GIGYF2: variants seen among roughly 807,000 people sequenced by gnomAD.
The protein encoded by GIGYF2 is GRB10 interacting GYF protein 2.
A neutral mutation model predicts 208.1 loss-of-function variants in GIGYF2; 25 were observed. The ratio of observed to expected loss-of-function variants is 0.12; its 90% CI spans 0.09 to 0.17. GIGYF2 has a LOEUF of 0.17. Among genes scored for constraint, GIGYF2 ranks in the 10% least tolerant of loss-of-function variants. The pLI is 1.00. For missense variants in GIGYF2, 1,302 were observed against 1,579.4 expected (o/e 0.82, Z 2.98); for synonymous variants, 534 against 543.8 (o/e 0.98, Z 0.25).
intron 2 of GIGYF2, chr2:232,722,732 G>A (rs1357012631): frequency 6.6e-6 from 1 of 151,976 alleles, no homozygotes; most frequent in Non-Finnish European, 1.5e-5. Context: ...TAACATTAGG[G>A]GAAACTGACG....
intron 18 of GIGYF2, among the ~76,000 whole-genome samples, chr2:232,814,718 T>G (rs1324175156): frequency 6.6e-6 from 1 of 152,242 alleles, no homozygotes; most frequent in Non-Finnish European, 1.5e-5. Flanking sequence ...TTTGAAATGC[T>G]TCTGGTCCCA....
intron 21 of GIGYF2, among the ~76,000 whole-genome samples, chr2:232,824,358 T>C (rs930823096): frequency 3.9e-5 from 6 of 152,170 alleles, no homozygotes; most frequent in African/African-American, 9.7e-5. Context: ...GGAAAAGTTA[T>C]TGAAGAAAAT....
At chr2:232,783,119 A>G (rs1329077759) in intron 8 of GIGYF2, among the ~76,000 whole-genome samples, 2 of 152,230 alleles carry the variant, frequency 1.3e-5, no homozygotes, top group African/African-American at 4.8e-5. Context: ...GGCTTGATGA[A>G]AAATGTGGCT....
intron 2 of GIGYF2, among the ~76,000 whole-genome samples, chr2:232,714,766 G>A (rs1159578676): frequency 6.6e-6 from 1 of 151,480 alleles, no homozygotes; most frequent in African/African-American, 2.4e-5. Flanking sequence ...TCATGTAAAT[G>A]GAAATCATAT....
intron 9 of GIGYF2, among the ~76,000 whole-genome samples, chr2:232,789,571 C>CT (rs1374736803): frequency 1.3e-5 from 2 of 152,016 alleles, no homozygotes; most frequent in Non-Finnish European, 2.9e-5. Context: ...ACTAAGATTT[C>CT]TTTTTTGTGA....
At chr2:232,793,490 G>C (rs1700132201) in intron 12 of GIGYF2, among the ~76,000 whole-genome samples, 1 of 152,118 alleles carries the variant, frequency 6.6e-6, no homozygotes. Context: ...GAGCCTGAGA[G>C]GATTATGGTG....
intron 8 of GIGYF2, among the ~76,000 whole-genome samples, chr2:232,781,048 C>T (rs1280250212): frequency 2.0e-5 from 3 of 152,022 alleles, no homozygotes; most frequent in African/African-American, 7.3e-5. Flanking sequence ...ACCTCCACCT[C>T]CCGGGTTCAA....
At chr2:232,804,460 G>A (rs1700496826) in intron 14 of GIGYF2, among the ~76,000 whole-genome samples, 1 of 140,826 alleles carries the variant, frequency 7.1e-6, no homozygotes, top group African/African-American at 2.6e-5. Flanking sequence ...CTGTTTTTTT[G>A]GGTAGTTTCC....
intron 2 of GIGYF2, among the ~76,000 whole-genome samples, chr2:232,710,102 G>A (rs35621474): frequency 0.32 from 47,995 of 151,504 alleles, 7,967 homozygotes; most frequent in South Asian, 0.62. Context: ...TGGGACTACA[G>A]GCACCCGCCA....
At chr2:232,735,899 A>G (rs1360097385) in intron 3 of GIGYF2, 2 of 983,454 alleles carry the variant, frequency 2.0e-6, no homozygotes, top group African/African-American at 1.7e-5. Context: ...GGCATCAATA[A>G]TAATAATTAC....
chr2:232,839,975 A>G lies in GIGYF2; in HGVS notation c.2889+4A>G. The G allele has an allele frequency of 6.2e-7, 1 of 1,613,886 alleles. No individual in the cohort carries two copies. Among genetic ancestry groups the G allele is most frequent in the South Asian group, 1.1e-5 (1 of 91,068 alleles). On this transcript the variant is annotated splice_donor_region_variant and intron_variant, in intron 23 of 28. Transcript: ENST00000373563. ...AGAACGGCAGCTTCGAGAAGAGGTA[A>G]AATTTTAAAGTAAAAGGGATCTAGT...
rs543298516 is a variant in GIGYF2, at chr2:232,706,663, A to T, written c.-44+3174A>T. Reference sequence around the variant, plus strand: ...TGTGGTGGCACGTGCCTGTAGTCTCAGCTACTTGGGAGGCTGAGACAGAAC... The same window carrying T: ...TGTGGTGGCACGTGCCTGTAGTCTCTGCTACTTGGGAGGCTGAGACAGAAC... On this transcript the variant is annotated intron_variant, in intron 2 of 28. Coordinates refer to ENST00000373563, the MANE Select transcript of GIGYF2 (RefSeq NM_001103146.3). Among the ~76,000 whole-genome samples, 7 of 152,246 alleles carry T rather than the reference A, an allele frequency of 4.6e-5. No homozygotes were observed. The South Asian group carries it at 1.5e-3, about 32-fold the overall frequency.
At chr2:232,829,215 T>A (rs184467982) in intron 21 of GIGYF2, among the ~76,000 whole-genome samples, 9 of 152,326 alleles carry the variant, frequency 5.9e-5, no homozygotes, top group East Asian at 5.8e-4. Flanking sequence ...TTTATATAGT[T>A]CTGTCTTCTT....
In GIGYF2 at chr2:232,816,915, A is replaced by AGAGGAAGAGCGAAAGAGG; in HGVS notation, c.2254_2271dup (p.Glu752_Arg757dup). The AGAGGAAGAGCGAAAGAGG allele has an allele frequency of 3.1e-6, 5 of 1,612,870 alleles. No homozygotes were observed. The highest frequency in any genetic ancestry group is 3.4e-6 in the Non-Finnish European group (4 of 1,178,820). ...AGGCAGAAATGAGGGCAAAACGGGA[A>AGAGGAAGAGCGAAAGAGG]GAGGAAGAGCGAAAGAGGCAGGAAG... On this transcript the variant is annotated inframe_insertion, in exon 20 of 29. Transcript: ENST00000373563.
chr2:232,845,013 ATCTT>A (rs1301176705), intron 25 of GIGYF2, among the ~76,000 whole-genome samples: 1 of 152,100 alleles, frequency 6.6e-6, no homozygotes, highest in Non-Finnish European at 1.5e-5. Flanking sequence ...TTTCATCTTC[ATCTT>A]TCTTTCTTCA....
chr2:232,805,770 C>G (rs1256878630), intron 14 of GIGYF2, among the ~76,000 whole-genome samples: 2 of 152,116 alleles, frequency 1.3e-5, no homozygotes, highest in South Asian at 2.1e-4. Flanking sequence ...ATACAATGTC[C>G]AGGGTTTCCA....
At chr2:232,836,583 A>G (rs900059595) in intron 22 of GIGYF2, among the ~76,000 whole-genome samples, 1 of 148,450 alleles carries the variant, frequency 6.7e-6, no homozygotes, top group African/African-American at 2.5e-5. Flanking sequence ...AAAAAAAAAA[A>G]AAAATCCCTT....
At chr2:232,728,599 T>G (rs1313411081) in intron 2 of GIGYF2, among the ~76,000 whole-genome samples, 2 of 152,250 alleles carry the variant, frequency 1.3e-5, no homozygotes, top group African/African-American at 4.8e-5. Context: ...CCATGCCACA[T>G]TGGTCATGGG....
chr2:232,743,729 A>G (rs1299055958), intron 3 of GIGYF2, among the ~76,000 whole-genome samples: 1 of 152,262 alleles, frequency 6.6e-6, no homozygotes. Flanking sequence ...ATTGAATCAT[A>G]GTACAGCCAT....
Sources: gnomAD v4.1 joint callset for allele counts (sites outside exome capture counted in the v4.1 genomes callset) on GRCh38, gnomAD v4.1.1 for gene constraint, MANE v1.5 for transcripts, NCBI Gene and HGNC (gene_info 2026-07-23, HGNC 2026-07-21) for gene names.